Variants in KCNMA1 observed in about 807,000 individuals in gnomAD.
The protein encoded by KCNMA1 is potassium calcium-activated channel subfamily M alpha 1, also known as Calcium-activated potassium channel subunit alpha-1.
KCNMA1 carries 29 observed loss-of-function variants against 140.0 expected under a neutral mutation model. The observed-to-expected ratio is 0.21, with a 90% CI of 0.15 to 0.28. The LOEUF (loss-of-function observed/expected upper bound fraction) is 0.28. Ranked by LOEUF, KCNMA1 falls within the 10% of genes least tolerant of loss-of-function variation. The pLI, the probability that KCNMA1 is intolerant of heterozygous loss-of-function variation, is 1.00. For synonymous variants in KCNMA1, 612 were observed against 611.9 expected (o/e 1.00, Z 0.00); for missense variants, 880 against 1,602.2 (o/e 0.55, Z 7.70).
At chr10:77,266,613 T>C (rs2063511364) in intron 2 of KCNMA1, among the ~76,000 whole-genome samples, 1 of 152,228 alleles carries the variant, frequency 6.6e-6, no homozygotes, top group South Asian at 2.1e-4. Flanking sequence ...TTCTATTGAA[T>C]AATCAATCCA....
chr10:77,519,902 G>A (rs938080965), intron 1 of KCNMA1, among the ~76,000 whole-genome samples: 4 of 152,150 alleles, frequency 2.6e-5, no homozygotes, highest in Admixed American at 1.3e-4. Flanking sequence ...GCAGTGCAGT[G>A]TGAGGGTATG....
At chr10:77,628,136 C>T (rs181367976) in intron 1 of KCNMA1, among the ~76,000 whole-genome samples, 5 of 152,160 alleles carry the variant, frequency 3.3e-5, no homozygotes, top group Admixed American at 2.6e-4. Context: ...TCTTATACTC[C>T]CAACTTGAAA....
intron 5 of KCNMA1, among the ~76,000 whole-genome samples, chr10:77,129,446 C>T (rs1190976630): frequency 2.0e-5 from 3 of 152,056 alleles, no homozygotes; most frequent in Non-Finnish European, 2.9e-5. Flanking sequence ...AGCAAATTTC[C>T]GTTAATCCGA....
intron 3 of KCNMA1, among the ~76,000 whole-genome samples, chr10:77,248,927 G>A (rs1313870983): frequency 5.3e-5 from 8 of 152,222 alleles, no homozygotes; most frequent in South Asian, 2.1e-4. Context: ...GCCTGCCACC[G>A]GACAGAATCT....
Position 76,991,396 on chromosome 10 carries a change from A to G in KCNMA1, c.2266+10011T>C, listed in dbSNP as rs144205282. Among the ~76,000 whole-genome samples the G allele has an allele frequency of 1.4e-3, 214 of 152,346 alleles. 3 individuals carry two copies. Among genetic ancestry groups the G allele is most frequent in the Non-Finnish European group, 4.6e-4 (31 of 68,036 alleles). On this transcript the variant is annotated intron_variant, in intron 19 of 27. Coordinates refer to ENST00000286628, the MANE Select transcript of KCNMA1 (RefSeq NM_001161352.2). ...TCCCATAATTTATCCTTCACAAAGA[A>G]TATCAATTGCACCTGCCATTTGATC...
rs1404090359 is a variant in KCNMA1, at chr10:77,072,424, G to GC, written c.1749+672_1749+673insG. On this transcript the variant is annotated intron_variant, in intron 14 of 27. Coordinates refer to ENST00000286628, the MANE Select transcript of KCNMA1 (RefSeq NM_001161352.2). Reference sequence around the variant, plus strand: ...GGCCCACCCTGGGAGGACAGAGTCGGTTTTTTTTCTCTCCTTGCCTGCACT... The same window carrying GC: ...GGCCCACCCTGGGAGGACAGAGTCGGCTTTTTTTTCTCTCCTTGCCTGCACT... 3.9e-5 allele frequency among the ~76,000 whole-genome samples: 6 copies of GC among 151,922 alleles called. No individual in the cohort carries two copies. In the East Asian group the frequency reaches 1.2e-3, roughly 29 times the overall value.
chr10:77,134,051 G>A lies in KCNMA1; in HGVS notation c.809-13003C>T, dbSNP rs141399685. ...GGAAGACAGGCATCATGCAATGATGGACCTCATACCATAATGGAAATAAGT... is the reference window on the plus strand; with the variant it reads ...GGAAGACAGGCATCATGCAATGATGAACCTCATACCATAATGGAAATAAGT... On this transcript the variant is annotated intron_variant, in intron 5 of 27. Transcript: ENST00000286628. 2.8e-3 allele frequency among the ~76,000 whole-genome samples: 432 copies of A among 152,154 alleles called. 2 individuals are homozygous for A. The highest frequency in any genetic ancestry group is 6.8e-3 in the Middle Eastern group (2 of 294).
chr10:77,618,349 T>G (rs1235527026), intron 1 of KCNMA1, among the ~76,000 whole-genome samples: 3 of 152,204 alleles, frequency 2.0e-5, no homozygotes, highest in African/African-American at 7.2e-5. Flanking sequence ...AACCTCAAGA[T>G]GGACTCACAG....
At chr10:77,385,926 T>C (rs958314922) in intron 2 of KCNMA1, among the ~76,000 whole-genome samples, 8 of 152,132 alleles carry the variant, frequency 5.3e-5, no homozygotes, top group Non-Finnish European at 1.0e-4. Context: ...GTAGCTGCTA[T>C]AATGAGTGAA....
At chr10:77,011,300 G>A (rs2090668808) in intron 18 of KCNMA1, among the ~76,000 whole-genome samples, 1 of 152,102 alleles carries the variant, frequency 6.6e-6, no homozygotes, top group South Asian at 2.1e-4. Flanking sequence ...TTCTCAAGAG[G>A]CCCCAGTGGC....
chr10:76,877,863 T>C, exon 30 of KCNMA1: 2 of 1,610,690 alleles, frequency 1.2e-6, no homozygotes. Context: ...ATAGGCATTA[T>C]CCGGTTCATC....
At chr10:77,123,445 T>G (rs1264938038) in intron 5 of KCNMA1, among the ~76,000 whole-genome samples, 2 of 152,158 alleles carry the variant, frequency 1.3e-5, no homozygotes, top group East Asian at 3.9e-4. Context: ...GAAATTAAAT[T>G]TATAACAGAC....
intron 1 of KCNMA1, 103 bp from the exon 2 acceptor site, chr10:77,404,126 T>G (rs11002158): frequency 1.8e-6 from 2 of 1,104,570 alleles, no homozygotes; most frequent in African/African-American, 1.5e-5. Context: ...CCAGCTGAGA[T>G]GGAAACTAGC....
chr10:77,192,436 G>A (rs559088587), intron 3 of KCNMA1, among the ~76,000 whole-genome samples: 7 of 152,112 alleles, frequency 4.6e-5, no homozygotes, highest in African/African-American at 9.6e-5. Context: ...AGCAAAATAC[G>A]GGCATTACAA....
Position 76,886,642 on chromosome 10 carries a change from TA to T in KCNMA1, c.*623del, listed in dbSNP as rs1405266026. The T allele has an allele frequency of 4.0e-6, 4 of 991,256 alleles. No individual in the cohort carries two copies. The highest frequency in any genetic ancestry group is 4.8e-6 in the Non-Finnish European group (4 of 833,530). 61.4% of individuals were successfully genotyped at this position (991,256 alleles called of 1,614,324 possible). ...GGGACAAAAGGCCTTGGTGAGTAAC[TA>T]AAAAAATCACTGATGTTCTCTTGCA... On this transcript the variant is annotated 3_prime_UTR_variant, in exon 28 of 28. Transcript: ENST00000286628.
chr10:77,398,120 T>C (rs2154456746), intron 2 of KCNMA1, among the ~76,000 whole-genome samples: 2 of 151,856 alleles, frequency 1.3e-5, no homozygotes, highest in South Asian at 4.2e-4. Flanking sequence ...GATGGACCCT[T>C]GGGTTGATTC....
chr10:77,415,404 C>A (rs2096718908), intron 1 of KCNMA1, among the ~76,000 whole-genome samples: 1 of 152,212 alleles, frequency 6.6e-6, no homozygotes, highest in Non-Finnish European at 1.5e-5. Context: ...TCCAAGACAG[C>A]CTGCTGTCCA....
intron 16 of KCNMA1, among the ~76,000 whole-genome samples, chr10:77,027,215 C>G (rs1298533297): frequency 6.6e-6 from 1 of 152,180 alleles, no homozygotes; most frequent in African/African-American, 2.4e-5. Flanking sequence ...TCTATTTCAA[C>G]CAGACCCAGT....
At chr10:77,283,001 C>G (rs2069252079) in intron 2 of KCNMA1, among the ~76,000 whole-genome samples, 1 of 152,212 alleles carries the variant, frequency 6.6e-6, no homozygotes, top group African/African-American at 2.4e-5. Flanking sequence ...TTGAGTCAGA[C>G]CAGTGAAGGC....
Sources: allele counts gnomAD v4.1 joint callset (sites outside exome capture counted in the v4.1 genomes callset), GRCh38; gene constraint gnomAD v4.1.1; transcripts MANE v1.5; gene names NCBI Gene and HGNC (gene_info 2026-07-23, HGNC 2026-07-21).